Variants in CORO2B observed in about 807,000 individuals in gnomAD.
The protein encoded by CORO2B is coronin-2B.
A neutral mutation model predicts 58.8 loss-of-function variants in CORO2B; 26 were observed. The observed-to-expected ratio is 0.44, with a 90% CI of 0.32 to 0.61. The LOEUF is 0.61. Among genes scored for constraint, CORO2B ranks in the 20% least tolerant of loss-of-function variants. CORO2B has a pLI of 0.04. For missense variants in CORO2B, 460 were observed against 645.1 expected, an observed-to-expected ratio of 0.71 and a Z score of 3.11; for synonymous variants, 242 against 253.8, an observed-to-expected ratio of 0.95 and a Z score of 0.44.
At chr15:68,624,681 TTTTTC>T (rs1215269840) in intron 1 of CORO2B, among the ~76,000 whole-genome samples, 9 of 146,922 alleles carry the variant, frequency 6.1e-5, no homozygotes, top group African/African-American at 1.9e-4. Context: ...TCTGTTTTTT[TTTTTC>T]TTTTCTTTTC....
chr15:68,557,487 T>C, the CORO2B span, among the ~76,000 whole-genome samples: 12 of 152,156 alleles, frequency 7.9e-5, no homozygotes, highest in Non-Finnish European at 1.3e-4. Flanking sequence ...TCCAAGGTCA[T>C]GGCAGAGCTG....
rs1467650759 is a variant in CORO2B, at chr15:68,645,502, C to A, written c.216+142C>A. 5.2e-6 allele frequency: 4 copies of A among 764,378 alleles called. No individual in the cohort carries two copies. Among genetic ancestry groups the A allele is most frequent in the African/African-American group, 1.8e-5 (1 of 56,858 alleles). 47.3% of individuals were successfully genotyped at this position (764,378 alleles called of 1,614,324 possible). ...ATCAAGCATCTAGTGGCTATGCCTT[C>A]TTTAGGGTTTTCCTGAGATTCAACA... On this transcript the variant is annotated intron_variant, in intron 2 of 11. Transcript: ENST00000261861. The surrounding 1 kb of genome is among the most constrained non-coding windows in gnomAD (Gnocchi z 4.5).
chr15:68,597,337 G>T (rs573614118), intron 1 of CORO2B, among the ~76,000 whole-genome samples: 1 of 152,110 alleles, frequency 6.6e-6, no homozygotes, highest in African/African-American at 2.4e-5. Context: ...CTTATTCAGC[G>T]CTTACCATGT....
chr15:68,521,874 C>T, the CORO2B span, among the ~76,000 whole-genome samples: 2 of 151,890 alleles, frequency 1.3e-5, no homozygotes, highest in East Asian at 1.9e-4. Context: ...TTGAGACTAG[C>T]CTGGCCAACA....
chr15:68,678,769 C>A (rs1316046321), intron 2 of CORO2B, among the ~76,000 whole-genome samples: 1 of 152,224 alleles, frequency 6.6e-6, no homozygotes, highest in Non-Finnish European at 1.5e-5. Flanking sequence ...CTGCCCACAC[C>A]ATGTCCCCTG....
At chr15:68,588,903 G>A (rs971178605) in intron 1 of CORO2B, among the ~76,000 whole-genome samples, 10 of 152,146 alleles carry the variant, frequency 6.6e-5, no homozygotes, top group African/African-American at 2.4e-4. Context: ...TGAAAGACCA[G>A]CTTGCAAAAA....
chr15:68,671,254 CTGT>C lies in CORO2B; in HGVS notation c.217-23878_217-23876del, dbSNP rs533243524. Among the ~76,000 whole-genome samples, 77 of 152,228 alleles carry C rather than the reference CTGT, an allele frequency of 5.1e-4. No homozygotes were observed. The South Asian group carries it at 8.1e-3, about 16-fold the overall frequency. ...TCTTCCTCTGTATTTCCCAATTTTT[CTGT>C]TGTTGTTTTTTTTTCCTACTTTCTT... On this transcript the variant is annotated intron_variant, in intron 2 of 11. Transcript: ENST00000261861.
At chr15:68,642,225 G>C (rs745793415) in intron 1 of CORO2B, among the ~76,000 whole-genome samples, 1 of 152,010 alleles carries the variant, frequency 6.6e-6, no homozygotes, top group Non-Finnish European at 1.5e-5. Context: ...GGGAGTAGAT[G>C]GAAGTGGCAC....
intron 3 of CORO2B, among the ~76,000 whole-genome samples, chr15:68,706,975 T>C (rs1356825293): frequency 2.6e-5 from 4 of 152,142 alleles, no homozygotes; most frequent in African/African-American, 9.7e-5. Context: ...GGCTTCTTTT[T>C]TTTGAGACAG....
intron 1 of CORO2B, among the ~76,000 whole-genome samples, chr15:68,633,908 TG>T (rs954651590): frequency 5.3e-5 from 8 of 152,212 alleles, no homozygotes; most frequent in Non-Finnish European, 1.2e-4. Flanking sequence ...TTTTCTGCAT[TG>T]CCAGGTGACA....
At chr15:68,695,529 C>T (rs532359855) in intron 3 of CORO2B, among the ~76,000 whole-genome samples, 36 of 152,172 alleles carry the variant, frequency 2.4e-4, no homozygotes, top group African/African-American at 7.2e-4. Flanking sequence ...AAAAATTAAG[C>T]GTGTGATTCA....
the CORO2B span, among the ~76,000 whole-genome samples, chr15:68,518,999 T>C: frequency 0.083 from 12,570 of 152,214 alleles, 636 homozygotes; most frequent in Middle Eastern, 0.16. Flanking sequence ...CCCGAACCTG[T>C]ACATACAGGA....
chr15:68,558,628 AG>A, the CORO2B span, among the ~76,000 whole-genome samples: 1 of 152,094 alleles, frequency 6.6e-6, no homozygotes, highest in Non-Finnish European at 1.5e-5. Context: ...CTCTCACCCC[AG>A]TCTCTCAAAG....
chr15:68,537,513 T>C, the CORO2B span, among the ~76,000 whole-genome samples: 1 of 152,158 alleles, frequency 6.6e-6, no homozygotes, highest in Admixed American at 6.5e-5. Flanking sequence ...TTAAGTTCTA[T>C]GGTACATGTG....
chr15:68,656,543 A>T lies in CORO2B; in HGVS notation c.216+11183A>T, dbSNP rs543335632. On this transcript the variant is annotated intron_variant, in intron 2 of 11. Coordinates refer to ENST00000261861, the MANE Select transcript of CORO2B (RefSeq NM_006091.5). Reference sequence around the variant, plus strand: ...TAGTTAGTGCCCCATGTGTCAGATGATTGATCCTGGCAGCAAATGCTTCAG... The same window carrying T: ...TAGTTAGTGCCCCATGTGTCAGATGTTTGATCCTGGCAGCAAATGCTTCAG... Among the ~76,000 whole-genome samples, 7 of 152,200 alleles carry T rather than the reference A, an allele frequency of 4.6e-5. No homozygotes were observed. In the South Asian group the frequency reaches 1.2e-3, roughly 27 times the overall value.
At chr15:68,624,327 C>CCTCACTG (rs1325117714) in intron 1 of CORO2B, among the ~76,000 whole-genome samples, 1 of 152,124 alleles carries the variant, frequency 6.6e-6, no homozygotes, top group Non-Finnish European at 1.5e-5. Flanking sequence ...CTGCAGTAAG[C>CCTCACTG]TATGATCACC....
At chr15:68,718,652 A>T (rs750716992) in intron 8 of CORO2B, 46 bp from the exon 9 acceptor site, 7 of 1,492,038 alleles carry the variant, frequency 4.7e-6, no homozygotes, top group Non-Finnish European at 6.5e-6. Flanking sequence ...TGTCACTGAG[A>T]CGCAGTTTCT....
intron 1 of CORO2B, among the ~76,000 whole-genome samples, chr15:68,631,107 A>G (rs1900814854): frequency 6.6e-6 from 1 of 152,132 alleles, no homozygotes; most frequent in Admixed American, 6.5e-5. Context: ...GAGTCCAGTC[A>G]GCAGATCTGC....
intron 2 of CORO2B, among the ~76,000 whole-genome samples, chr15:68,658,842 A>G (rs1491635): frequency 0.21 from 32,687 of 152,194 alleles, 3,680 homozygotes; most frequent in Non-Finnish European, 0.25. Flanking sequence ...TCAGAATGCA[A>G]CATGGAGGCC....
Sources: gnomAD v4.1 joint callset for allele counts (sites outside exome capture counted in the v4.1 genomes callset) on GRCh38, gnomAD v4.1.1 for gene constraint, Gnocchi (gnomAD v3.1) non-coding constraint, MANE v1.5 for transcripts, NCBI Gene and HGNC (gene_info 2026-07-23, HGNC 2026-07-21) for gene names.